The following LIPM variants were observed in gnomAD, a reference collection of about 807,000 sequenced individuals.
LIPM encodes lipase member M.
Under a neutral mutation model 42.4 loss-of-function variants are expected in LIPM, and 42 were observed. The ratio of observed to expected loss-of-function variants is 0.99; its 90% CI spans 0.77 to 1.28. The LOEUF is 1.28. Ranked by LOEUF, LIPM falls within the 50% of genes most tolerant of loss-of-function variation. The probability of loss-of-function intolerance (pLI) is 0.00; values close to 1 mark genes in which losing one functional copy is unlikely to be tolerated. For missense variants in LIPM, 524 were observed against 520.1 expected, an observed-to-expected ratio of 1.01 and a Z score of -0.07; for synonymous variants, 177 against 173.3, an observed-to-expected ratio of 1.02 and a Z score of -0.17.
chr10:88,808,934 T>C (rs1843621352), intron 2 of LIPM, among the ~76,000 whole-genome samples: 1 of 140,772 alleles, frequency 7.1e-6, no homozygotes, highest in African/African-American at 2.7e-5. Flanking sequence ...TTATTTTATT[T>C]TATTTTATTT....
intron 1 of LIPM, among the ~76,000 whole-genome samples, chr10:88,803,319 G>A (rs1843549870): frequency 1.3e-5 from 2 of 152,308 alleles, no homozygotes; most frequent in South Asian, 4.1e-4. Context: ...CATCCTATGA[G>A]TGGAGAAGTA....
chr10:88,810,675 A>G (rs1761347004), intron 2 of LIPM, among the ~76,000 whole-genome samples: 1 of 152,190 alleles, frequency 6.6e-6, no homozygotes, highest in Admixed American at 6.5e-5. Context: ...AGGCTGGGCC[A>G]TCCTCAGAAA....
Position 88,802,837 on chromosome 10 carries a change from C to A in LIPM, c.-60C>A. The A allele has an allele frequency of 6.7e-7, 1 of 1,482,176 alleles. No homozygotes were observed. The allele number at this position is 1,482,176 out of a possible 1,614,324, so 91.8% of individuals were successfully genotyped here. The stretch of plus-strand genomic sequence containing the variant: ...TGAAGAGTTTTTAAACCCACAAATT[C>A]TTCTTACTTTAGAATTAGTTGTTAC... On this transcript the variant is annotated 5_prime_UTR_variant, in exon 1 of 9. Coordinates refer to ENST00000404743, the MANE Select transcript of LIPM (RefSeq NM_001128215.1).
intron 1 of LIPM, among the ~76,000 whole-genome samples, chr10:88,806,893 G>T (rs1843595179): frequency 6.6e-6 from 1 of 152,036 alleles, no homozygotes; most frequent in Non-Finnish European, 1.5e-5. Flanking sequence ...GTTTCACCAT[G>T]TTGGCCAGGA....
At chr10:88,806,540 A>C (rs1367061121) in intron 1 of LIPM, among the ~76,000 whole-genome samples, 1 of 152,160 alleles carries the variant, frequency 6.6e-6, no homozygotes, top group Non-Finnish European at 1.5e-5. Flanking sequence ...CAGATCAGCA[A>C]CATCTGCTTT....
chr10:88,814,671 C>T (rs1215943758), intron 4 of LIPM, 32 bp downstream of exon 4: 10 of 1,482,954 alleles, frequency 6.7e-6, no homozygotes, highest in Middle Eastern at 1.7e-4. Flanking sequence ...TTTGTATACT[C>T]GGAAGAAATG....
At chr10:88,818,395 T>C (rs1843743833) in intron 8 of LIPM, among the ~76,000 whole-genome samples, 1 of 152,180 alleles carries the variant, frequency 6.6e-6, no homozygotes, top group African/African-American at 2.4e-5. Flanking sequence ...AAATAAAAAT[T>C]TTGGGCTTAG....
intron 8 of LIPM, 60 bp from the exon 9 acceptor site, chr10:88,820,171 TA>T: frequency 7.3e-7 from 1 of 1,365,288 alleles, no homozygotes; most frequent in Non-Finnish European, 9.9e-7. Flanking sequence ...ATTTGAAACA[TA>T]AATTATGAGC....
intron 1 of LIPM, among the ~76,000 whole-genome samples, 169 bp downstream of exon 1, chr10:88,803,212 C>T (rs145663328): frequency 3.9e-5 from 6 of 152,254 alleles, no homozygotes; most frequent in Non-Finnish European, 7.4e-5. Context: ...TGTCAGTAGA[C>T]CTGGGGTCTC....
chr10:88,808,802 A>G (rs1473314812), intron 2 of LIPM, among the ~76,000 whole-genome samples: 2 of 152,110 alleles, frequency 1.3e-5, no homozygotes, highest in African/African-American at 4.8e-5. Flanking sequence ...GGCACCTGGT[A>G]CCCGCTCCTG....
chr10:88,808,482 G>C, intron 2 of LIPM, 67 bp downstream of exon 2: 2 of 933,360 alleles, frequency 2.1e-6, no homozygotes, highest in Non-Finnish European at 3.4e-6. Flanking sequence ...CTTGTGATTT[G>C]AATGTAGAAG....
At chr10:88,807,474 A>G (rs759129711) in intron 1 of LIPM, among the ~76,000 whole-genome samples, 6 of 152,216 alleles carry the variant, frequency 3.9e-5, no homozygotes, top group Non-Finnish European at 8.8e-5. Flanking sequence ...ACAATGGGCA[A>G]GAATAGTGAG....
rs1843544810 is a variant in LIPM at position 88,802,900 on chromosome 10, T to C, written c.4T>C (p.Leu2=). The change falls in exon 1 of 9, where the codon TTG becomes CTG. Residue 2 remains leucine (L), a synonymous_variant. Coordinates refer to ENST00000404743, the MANE Select transcript of LIPM (RefSeq NM_001128215.1). M[L]ETLSRQWIVS... ...AAATAAATGCAGATGTTGGACCATGTTGGAAACCTTGTCAAGACAGTGGAT... is the reference window on the plus strand; with the variant it reads ...AAATAAATGCAGATGTTGGACCATGCTGGAAACCTTGTCAAGACAGTGGAT... 6.5e-7 allele frequency: 1 copy of C among 1,543,372 alleles called. No individual in the cohort carries two copies. The highest frequency in any genetic ancestry group is 1.4e-5 in the African/African-American group (1 of 72,606).
chr10:88,811,876 A>G (rs1014073201), intron 2 of LIPM, among the ~76,000 whole-genome samples: 2 of 152,146 alleles, frequency 1.3e-5, no homozygotes, highest in African/African-American at 4.8e-5. Context: ...CTCTTCTATA[A>G]CTGCAATACC....
chr10:88,805,676 T>C (rs1843577457), intron 1 of LIPM, among the ~76,000 whole-genome samples: 1 of 152,322 alleles, frequency 6.6e-6, no homozygotes, highest in East Asian at 1.9e-4. Context: ...TCATGAAGAA[T>C]TTCCCAACGT....
chr10:88,809,140 A>T (rs552705018), intron 2 of LIPM, among the ~76,000 whole-genome samples: 134 of 151,996 alleles, frequency 8.8e-4, no homozygotes, highest in Middle Eastern at 3.4e-3. Flanking sequence ...TTTTTGGTAG[A>T]GACAGAGTTT....
chr10:88,803,619 G>GT (rs34653288), intron 1 of LIPM, among the ~76,000 whole-genome samples: 21,557 of 121,778 alleles, frequency 0.18, 1,882 homozygotes, highest in Non-Finnish European at 0.19. Flanking sequence ...TTCCCAGGAG[G>GT]TTTTTTTTTT....
intron 7 of LIPM, 31 bp from the exon 8 acceptor site, chr10:88,817,794 G>A (rs1843735025): frequency 2.7e-6 from 4 of 1,506,314 alleles, no homozygotes; most frequent in Non-Finnish European, 3.6e-6. Flanking sequence ...TGAGACGTTG[G>A]AATTCCTTGT....
rs10788615 is a variant in LIPM, at chr10:88,820,387, C to T, written c.1158C>T (p.His386=). The change falls in exon 9 of 9, where the codon CAC becomes CAT. Residue 386 remains histidine (H), a synonymous_variant. Coordinates refer to ENST00000404743, the MANE Select transcript of LIPM (RefSeq NM_001128215.1). ...IYHKNIPEWA[H]VDFIWGLDAP... ...ATAAGAATATTCCTGAATGGGCTCA[C>T]GTGGATTTCATCTGGGGTTTGGATG... is the stretch of plus-strand genomic sequence containing the variant. 484,063 of 1,551,796 alleles carry T rather than the reference C, an allele frequency of 0.31. 78,626 individuals carry two copies. The highest frequency in any genetic ancestry group is 0.43 in the East Asian group (17,746 of 40,904).
Sources: gnomAD v4.1 joint callset for allele counts (sites outside exome capture counted in the v4.1 genomes callset) on GRCh38, gnomAD v4.1.1 for gene constraint, MANE v1.5 for transcripts, NCBI Gene and HGNC (gene_info 2026-07-23, HGNC 2026-07-21) for gene names.